Variants in ABCA9 observed in about 807,000 individuals in gnomAD.
The protein encoded by ABCA9 is ATP-binding cassette sub-family A member 9.
A neutral mutation model predicts 205.3 loss-of-function variants in ABCA9; 183 were observed. The ratio of observed to expected loss-of-function variants is 0.89; its 90% CI spans 0.79 to 1.01. The LOEUF is 1.01. Ranked by LOEUF, ABCA9 falls within the 50% of genes least tolerant of loss-of-function variation. The pLI, the probability that ABCA9 is intolerant of heterozygous loss-of-function variation, is 0.00. For synonymous variants in ABCA9, 651 were observed against 683.3 expected, an observed-to-expected ratio of 0.95 and a Z score of 0.74; for missense variants, 1,805 against 1,912.4, an observed-to-expected ratio of 0.94 and a Z score of 1.05.
chr17:69,005,392 C>T (rs1403142486), intron 25 of ABCA9, among the ~76,000 whole-genome samples: 2 of 152,148 alleles, frequency 1.3e-5, no homozygotes, highest in African/African-American at 4.8e-5. Context: ...CCAATTCAGT[C>T]CAGAGCCCTG....
intron 22 of ABCA9, 149 bp downstream of exon 22, chr17:69,016,104 A>C (rs62085386): frequency 5.5e-6 from 1 of 182,574 alleles, no homozygotes. Context: ...GTGTGTGTGT[A>C]TATATATATA....
chr17:69,010,119 A>G (rs1402053540), intron 23 of ABCA9, among the ~76,000 whole-genome samples: 1 of 151,950 alleles, frequency 6.6e-6, no homozygotes. Context: ...TAAAATTTAG[A>G]GAAAAACATT....
the ABCA9 span, among the ~76,000 whole-genome samples, chr17:69,066,682 C>T: frequency 1.9e-4 from 29 of 151,898 alleles, no homozygotes; most frequent in African/African-American, 6.0e-4. Flanking sequence ...AATGTGACAA[C>T]ACGAAGTAAA....
intron 31 of ABCA9, among the ~76,000 whole-genome samples, chr17:68,987,958 T>G (rs1380867913): frequency 2.0e-5 from 3 of 152,174 alleles, no homozygotes; most frequent in Non-Finnish European, 2.9e-5. Context: ...GAGATGGTGC[T>G]TCTCCATGTT....
At chr17:69,063,703 G>T (rs2072310373), upstream of ABCA9, among the ~76,000 whole-genome samples, 1 of 152,022 alleles carries the variant, frequency 6.6e-6, no homozygotes, top group Admixed American at 6.6e-5. Flanking sequence ...CTCCCAAGTA[G>T]CTGGAACTAC....
intron 1 of ABCA9, among the ~76,000 whole-genome samples, chr17:69,053,873 C>T (rs911372811): frequency 6.6e-6 from 1 of 151,856 alleles, no homozygotes; most frequent in Non-Finnish European, 1.5e-5. Context: ...ACAACTACAC[C>T]AAGAAATATC....
intron 25 of ABCA9, among the ~76,000 whole-genome samples, chr17:69,005,696 A>ACCTAAT (rs1360334063): frequency 6.6e-6 from 1 of 152,160 alleles, no homozygotes; most frequent in Non-Finnish European, 1.5e-5. Flanking sequence ...CTGTCTACAT[A>ACCTAAT]CCTAATCAAA....
intron 22 of ABCA9, among the ~76,000 whole-genome samples, 192 bp downstream of exon 22, chr17:69,016,061 T>C (rs1454051966): frequency 1.3e-5 from 2 of 149,996 alleles, no homozygotes; most frequent in African/African-American, 2.5e-5. Flanking sequence ...CAGTGATTTA[T>C]ATATATATAA....
intron 1 of ABCA9, among the ~76,000 whole-genome samples, chr17:69,058,360 C>T (rs2144544944): frequency 6.6e-6 from 1 of 152,162 alleles, no homozygotes; most frequent in East Asian, 1.9e-4. Flanking sequence ...AGGAGCAAAG[C>T]CATGAATATG....
upstream of ABCA9, among the ~76,000 whole-genome samples, chr17:69,062,049 C>T (rs2072269578): frequency 6.6e-6 from 1 of 151,926 alleles, no homozygotes; most frequent in Admixed American, 6.6e-5. Context: ...TTATATTTAT[C>T]CTTTTTCTAA....
At chr17:68,999,696 C>T (rs575313103) in intron 25 of ABCA9, among the ~76,000 whole-genome samples, 147 of 152,198 alleles carry the variant, frequency 9.7e-4, no homozygotes, top group African/African-American at 3.3e-3. Flanking sequence ...CCTGAGGAAT[C>T]GCCACACTGA....
Position 69,020,585 on chromosome 17 carries a change from A to G in ABCA9, c.2403T>C (p.Asp801=), listed in dbSNP as rs763622233. ...TTTGTAATTGTCCCCAAATTCCAATATCTAAAACATAAGATCAATATTTTA... is the reference window on the plus strand; with the variant it reads ...TTTGTAATTGTCCCCAAATTCCAATGTCTAAAACATAAGATCAATATTTTA... ...LEGKSTIDES[D]IGIWGQLQTD... is the part of the protein sequence containing the mutation. Residue 801 remains aspartate (D), a splice_region_variant and synonymous_variant, in exon 19 of 39, where the codon GAT becomes GAC. Coordinates refer to ENST00000340001, the MANE Select transcript of ABCA9 (RefSeq NM_080283.4). 1 of 1,611,942 alleles carries G rather than the reference A, an allele frequency of 6.2e-7. No homozygotes were observed. The highest frequency in any genetic ancestry group is 8.5e-7 in the Non-Finnish European group (1 of 1,178,538).
chr17:69,007,365 C>T (rs1282210893), intron 25 of ABCA9, among the ~76,000 whole-genome samples: 2 of 152,094 alleles, frequency 1.3e-5, no homozygotes, highest in Non-Finnish European at 2.9e-5. Context: ...CATTCCACTG[C>T]ACTCCAGCCT....
chr17:68,977,594 G>T (rs556112157), intron 37 of ABCA9, among the ~76,000 whole-genome samples: 1 of 152,164 alleles, frequency 6.6e-6, no homozygotes, highest in Non-Finnish European at 1.5e-5. Flanking sequence ...TGAGGCTAGG[G>T]TTTTGCTGGA....
Position 68,990,884 on chromosome 17 carries a change from C to T in ABCA9, c.3790G>A (p.Glu1264Lys). Residue 1264 changes from glutamate to lysine, a missense_variant, in exon 29 of 39, where the codon GAA (glutamate) becomes AAA (lysine). Coordinates refer to ENST00000340001, the MANE Select transcript of ABCA9 (RefSeq NM_080283.4). ...PEGEEEDIQM[E>K]RMRTVNAMAV... is the part of the protein sequence containing the mutation. ...ATAGCATTCACTGTTCTCATTCTTT[C>T]CATCTGGATATCTTCCTCCTCTCCT... is the stretch of plus-strand genomic sequence containing the variant. 6.2e-7 allele frequency: 1 copy of T among 1,614,014 alleles called. No homozygotes were observed. The highest frequency in any genetic ancestry group is 8.5e-7 in the Non-Finnish European group (1 of 1,179,932).
At chr17:69,029,520 A>G (rs969709640) in intron 10 of ABCA9, among the ~76,000 whole-genome samples, 3 of 152,196 alleles carry the variant, frequency 2.0e-5, no homozygotes, top group Non-Finnish European at 4.4e-5. Context: ...AAATGACTGG[A>G]TATGAGGAAA....
At chr17:69,000,540 T>G (rs1250060186) in intron 25 of ABCA9, among the ~76,000 whole-genome samples, 4 of 148,102 alleles carry the variant, frequency 2.7e-5, no homozygotes, top group Non-Finnish European at 4.5e-5. Context: ...CCTTGTAGTA[T>G]AGTTTGAAGT....
intron 37 of ABCA9, among the ~76,000 whole-genome samples, chr17:68,979,735 A>G (rs1013881461): frequency 6.6e-6 from 1 of 152,244 alleles, no homozygotes; most frequent in Non-Finnish European, 1.5e-5. Context: ...AGCCATATGT[A>G]GAAAGCTGAA....
At position 68,975,734 on chromosome 17, in the gene ABCA9, C is replaced by T; in HGVS notation, c.*181G>A. The stretch of plus-strand genomic sequence containing the variant: ...TGCATGGTATGGCTTAGGCTTATGC[C>T]CTATGATCGCCCTCACTGACATCGC... On this transcript the variant is annotated 3_prime_UTR_variant, in exon 39 of 39. Coordinates refer to ENST00000340001, the MANE Select transcript of ABCA9 (RefSeq NM_080283.4). 1 of 586,168 alleles carries T rather than the reference C, an allele frequency of 1.7e-6. No individual in the cohort carries two copies. The highest frequency in any genetic ancestry group is 3.0e-6 in the Non-Finnish European group (1 of 330,722). The allele number at this position is 586,168 out of a possible 1,614,324, so 36.3% of individuals were successfully genotyped here. A position where few individuals can be genotyped will look rare whatever the true frequency, so the allele number is the denominator to read the frequency against.
Sources: gnomAD v4.1 joint callset for allele counts (sites outside exome capture counted in the v4.1 genomes callset) on GRCh38, gnomAD v4.1.1 for gene constraint, MANE v1.5 for transcripts, NCBI Gene and HGNC (gene_info 2026-07-23, HGNC 2026-07-21) for gene names.